SAMD4A: variants seen among roughly 807,000 people sequenced by gnomAD.
The protein encoded by SAMD4A is sterile alpha motif domain containing 4A, also known as protein Smaug homolog 1.
A neutral mutation model predicts 81.3 loss-of-function variants in SAMD4A; 33 were observed. That is an observed-to-expected ratio of 0.41 (90% CI 0.31 to 0.54). The LOEUF is 0.54. SAMD4A is among the 20% of genes least tolerant of loss of function. The probability of loss-of-function intolerance (pLI) is 0.37; values close to 1 mark genes in which losing one functional copy is unlikely to be tolerated. For missense variants in SAMD4A, 854 were observed against 951.1 expected (o/e 0.90, Z 1.34); for synonymous variants, 389 against 382.1 (o/e 1.02, Z -0.21).
At chr14:54,685,417 T>C (rs2036240783) in intron 2 of SAMD4A, among the ~76,000 whole-genome samples, 2 of 152,196 alleles carry the variant, frequency 1.3e-5, no homozygotes, top group Admixed American at 6.5e-5. Flanking sequence ...ATCTATGTTA[T>C]AGCATGCACT....
chr14:54,726,289 T>G (rs745731186), intron 3 of SAMD4A, among the ~76,000 whole-genome samples: 1 of 151,996 alleles, frequency 6.6e-6, no homozygotes, highest in African/African-American at 2.4e-5. Flanking sequence ...AGTCAAAATA[T>G]TTTTCTGGGG....
intron 2 of SAMD4A, among the ~76,000 whole-genome samples, chr14:54,641,828 C>T (rs562687737): frequency 3.3e-5 from 5 of 152,066 alleles, no homozygotes; most frequent in Non-Finnish European, 2.9e-5. Context: ...GATAGAGTCT[C>T]GCTCTGTCAC....
chr14:54,581,109 T>C (rs533527851), intron 2 of SAMD4A, among the ~76,000 whole-genome samples: 5 of 152,348 alleles, frequency 3.3e-5, no homozygotes, highest in African/African-American at 1.2e-4. Flanking sequence ...GTAAAAATTA[T>C]TTAAGCTCTC....
At chr14:54,608,460 A>T (rs2034273554) in intron 2 of SAMD4A, among the ~76,000 whole-genome samples, 1 of 152,182 alleles carries the variant, frequency 6.6e-6, no homozygotes, top group Non-Finnish European at 1.5e-5. Flanking sequence ...GCTCTCACAT[A>T]TGTATTGAAA....
rs1250636878 is a variant in SAMD4A, at chr14:54,790,410, C to T, written c.*1466C>T. The T allele has an allele frequency of 6.6e-6, 1 of 152,210 alleles. No homozygotes were observed. The highest frequency in any genetic ancestry group is 2.4e-5 in the African/African-American group (1 of 41,432). 9.4% of individuals were successfully genotyped at this position (152,210 alleles called of 1,614,324 possible). On this transcript the variant is annotated 3_prime_UTR_variant, in exon 13 of 13. Transcript: ENST00000554335. ...CTGTGTTAGTTGATTTATCCATCCA[C>T]ACAGAGGGGAGGAAAAAGACACTCG...
rs2039260977 is a variant in SAMD4A, at chr14:54,791,626, C to G, written c.*2682C>G. On this transcript the variant is annotated 3_prime_UTR_variant, in exon 13 of 13. Coordinates refer to ENST00000554335, the MANE Select transcript of SAMD4A (RefSeq NM_015589.6). ...TTTCATTGACAGTGTATAGATTTAT[C>G]TACTTAGTTGTGTTTTGCTATTAGT... 1 of 151,938 alleles carries G rather than the reference C, an allele frequency of 6.6e-6. No homozygotes were observed. The allele number at this position is 151,938 out of a possible 1,614,324, so 9.4% of individuals were successfully genotyped here.
At chr14:54,607,303 A>T (rs917764423) in intron 2 of SAMD4A, among the ~76,000 whole-genome samples, 1 of 152,094 alleles carries the variant, frequency 6.6e-6, no homozygotes, top group Non-Finnish European at 1.5e-5. Context: ...AATGGGAATT[A>T]AGGCTGTGAG....
intron 2 of SAMD4A, among the ~76,000 whole-genome samples, chr14:54,666,811 G>A (rs2140492605): frequency 6.6e-6 from 1 of 152,124 alleles, no homozygotes; most frequent in East Asian, 1.9e-4. Flanking sequence ...AGACACATAG[G>A]TACCCCCAAA....
intron 3 of SAMD4A, among the ~76,000 whole-genome samples, chr14:54,721,635 TCACGTTGCCA>T (rs1204494226): frequency 6.6e-6 from 1 of 152,192 alleles, no homozygotes; most frequent in Non-Finnish European, 1.5e-5. Context: ...TGCCTGAAGA[TCACGTTGCCA>T]CATGGAAGAA....
intron 2 of SAMD4A, among the ~76,000 whole-genome samples, chr14:54,593,918 A>G (rs1470788771): frequency 6.6e-6 from 1 of 152,096 alleles, no homozygotes; most frequent in Non-Finnish European, 1.5e-5. Context: ...CCTTGTGAAA[A>G]GGAAGGAAGG....
intron 3 of SAMD4A, 25 bp from the exon 4 acceptor site, chr14:54,736,999 T>C (rs2037711807): frequency 1.2e-6 from 2 of 1,610,346 alleles, no homozygotes; most frequent in Non-Finnish European, 1.7e-6. Flanking sequence ...GGGAATAACC[T>C]ATTTCATTTT....
At chr14:54,656,006 G>C (rs1425623105) in intron 2 of SAMD4A, among the ~76,000 whole-genome samples, 1 of 151,866 alleles carries the variant, frequency 6.6e-6, no homozygotes, top group African/African-American at 2.4e-5. Context: ...AATAGTGTTT[G>C]GCATATAATA....
At chr14:54,694,885 A>G (rs1566589484) in intron 2 of SAMD4A, 2 of 985,426 alleles carry the variant, frequency 2.0e-6, no homozygotes, top group Non-Finnish European at 2.4e-6. Context: ...TACAGATGGA[A>G]AGTCTCCATG....
intron 7 of SAMD4A, among the ~76,000 whole-genome samples, chr14:54,761,317 G>T (rs1433605294): frequency 5.9e-5 from 9 of 152,166 alleles, no homozygotes; most frequent in Admixed American, 5.9e-4. Context: ...CATCATGCAC[G>T]TGGTTACCAC....
At chr14:54,718,598 A>C (rs1163535236) in intron 3 of SAMD4A, among the ~76,000 whole-genome samples, 2 of 151,682 alleles carry the variant, frequency 1.3e-5, no homozygotes, top group African/African-American at 4.9e-5. Flanking sequence ...CCACTACATC[A>C]TATTGGGTAA....
intron 3 of SAMD4A, among the ~76,000 whole-genome samples, chr14:54,715,861 A>G (rs940758709): frequency 6.6e-6 from 1 of 152,184 alleles, no homozygotes; most frequent in East Asian, 1.9e-4. Flanking sequence ...CCATATAGAA[A>G]GAAAAGAAAA....
At chr14:54,637,019 C>T (rs1055203550) in intron 2 of SAMD4A, among the ~76,000 whole-genome samples, 2 of 151,888 alleles carry the variant, frequency 1.3e-5, no homozygotes, top group Non-Finnish European at 2.9e-5. Context: ...AGGGGAGTGA[C>T]GGTAAATAAA....
At chr14:54,596,570 G>A (rs946420044) in intron 2 of SAMD4A, among the ~76,000 whole-genome samples, 1 of 152,214 alleles carries the variant, frequency 6.6e-6, no homozygotes, top group African/African-American at 2.4e-5. Flanking sequence ...GGGTGATATA[G>A]TGAGACTGCG....
intron 4 of SAMD4A, among the ~76,000 whole-genome samples, chr14:54,748,568 A>G (rs928986952): frequency 6.6e-6 from 1 of 152,062 alleles, no homozygotes; most frequent in African/African-American, 2.4e-5. Context: ...CCTGAAGCTC[A>G]TGGACCCCAA....
Sources: allele counts gnomAD v4.1 joint callset (sites outside exome capture counted in the v4.1 genomes callset), GRCh38; gene constraint gnomAD v4.1.1; transcripts MANE v1.5; gene names NCBI Gene and HGNC (gene_info 2026-07-23, HGNC 2026-07-21).